The following KSR2 variants were observed in gnomAD, a reference collection of about 807,000 sequenced individuals.
KSR2 encodes kinase suppressor of ras 2.
In KSR2, 25 loss-of-function variants were observed where a neutral mutation model predicts 107.8. The ratio of observed to expected loss-of-function variants is 0.23; its 90% CI spans 0.17 to 0.32. The LOEUF is 0.32. KSR2 is among the 10% of genes least tolerant of loss of function. The probability of loss-of-function intolerance (pLI) is 1.00; values close to 1 mark genes in which losing one functional copy is unlikely to be tolerated. For synonymous variants in KSR2, 480 were observed against 507.0 expected (o/e 0.95, Z 0.71); for missense variants, 887 against 1,268.9 (o/e 0.70, Z 4.57).
chr12:117,523,595 C>A (rs954992791), intron 14 of KSR2, among the ~76,000 whole-genome samples: 1 of 152,212 alleles, frequency 6.6e-6, no homozygotes, highest in African/African-American at 2.4e-5. Flanking sequence ...ACTATCCCTT[C>A]TTTGTACCCA....
intron 4 of KSR2, among the ~76,000 whole-genome samples, chr12:117,718,947 CT>C (rs1887104769): frequency 6.6e-6 from 1 of 152,180 alleles, no homozygotes; most frequent in African/African-American, 2.4e-5. Context: ...GACTTCCAGT[CT>C]CCTAAACAGC....
Position 117,506,681 on chromosome 12 carries a change from T to C in KSR2, c.2219+18171A>G, listed in dbSNP as rs144890781. On this transcript the variant is annotated intron_variant, in intron 14 of 19. Coordinates refer to ENST00000339824, the MANE Select transcript of KSR2 (RefSeq NM_173598.6). ...CAAAGTCTATAGGATTCCAGAGTGCTATGCAGTTCTGACTCTGAGATGGGA... is the reference window on the plus strand; with the variant it reads ...CAAAGTCTATAGGATTCCAGAGTGCCATGCAGTTCTGACTCTGAGATGGGA... Among the ~76,000 whole-genome samples the C allele has an allele frequency of 9.2e-5, 14 of 152,298 alleles. No homozygotes were observed. The East Asian group carries it at 2.5e-3, about 27-fold the overall frequency.
At chr12:117,833,404 C>T (rs1313767571) in intron 3 of KSR2, among the ~76,000 whole-genome samples, 3 of 152,044 alleles carry the variant, frequency 2.0e-5, no homozygotes, top group Admixed American at 1.3e-4. Flanking sequence ...GCTCCGCCAC[C>T]CAGGCAGGAG....
chr12:117,956,032 T>C (rs1023425203), intron 1 of KSR2, among the ~76,000 whole-genome samples: 5 of 150,458 alleles, frequency 3.3e-5, no homozygotes, highest in East Asian at 2.0e-4. Flanking sequence ...GGGCGGATCA[T>C]GAGGTCAGGA....
chr12:117,816,547 C>G (rs1891375898), intron 3 of KSR2, among the ~76,000 whole-genome samples: 1 of 152,176 alleles, frequency 6.6e-6, no homozygotes, highest in Non-Finnish European at 1.5e-5. Flanking sequence ...TCTTAGTCAT[C>G]ATAGAACCCT....
chr12:117,946,204 C>T (rs1392564528), intron 1 of KSR2, among the ~76,000 whole-genome samples: 2 of 151,892 alleles, frequency 1.3e-5, no homozygotes, highest in South Asian at 2.1e-4. Flanking sequence ...CAAAATAAAC[C>T]TATAGTAAGC....
intron 1 of KSR2, among the ~76,000 whole-genome samples, chr12:117,878,853 G>A (rs540741347): frequency 6.6e-6 from 1 of 152,266 alleles, no homozygotes; most frequent in African/African-American, 2.4e-5. Context: ...CCAACAGAGA[G>A]GCAACTTACC....
At chr12:117,510,219 T>A (rs544738095) in intron 14 of KSR2, among the ~76,000 whole-genome samples, 3 of 152,324 alleles carry the variant, frequency 2.0e-5, no homozygotes, top group African/African-American at 4.8e-5. Flanking sequence ...GTGGAAAAAG[T>A]CAAAGTGCTT....
At chr12:117,499,546 T>G (rs1873252729) in intron 14 of KSR2, among the ~76,000 whole-genome samples, 1 of 152,184 alleles carries the variant, frequency 6.6e-6, no homozygotes, top group African/African-American at 2.4e-5. Flanking sequence ...AAATTCATAC[T>G]CCAAGTAGCT....
Position 117,842,337 on chromosome 12 carries a change from G to A in KSR2, c.472+13091C>T, listed in dbSNP as rs927456050. 6.6e-6 allele frequency among the ~76,000 whole-genome samples: 1 copy of A among 152,238 alleles called. No individual in the cohort carries two copies. Among genetic ancestry groups the A allele is most frequent in the Non-Finnish European group, 1.5e-5 (1 of 68,054 alleles). On this transcript the variant is annotated intron_variant, in intron 3 of 19. Transcript: ENST00000339824. The surrounding 1 kb of genome is among the most constrained non-coding windows in gnomAD (Gnocchi z 4.2). ...CAAAATGACAAGGAATCAGCCAGAG[G>A]AAGATTGAGGCAGGGTATTCCAGGC...
intron 4 of KSR2, among the ~76,000 whole-genome samples, chr12:117,695,748 A>G (rs1410039145): frequency 1.3e-5 from 2 of 151,960 alleles, no homozygotes; most frequent in Non-Finnish European, 2.9e-5. Flanking sequence ...AAAGGAAAAA[A>G]GAGAAAGAGA....
At chr12:117,631,510 G>C (rs1391128696) in intron 5 of KSR2, among the ~76,000 whole-genome samples, 2 of 152,070 alleles carry the variant, frequency 1.3e-5, no homozygotes, top group Admixed American at 6.6e-5. Context: ...CATAAATCTA[G>C]GTCTTTTATT....
At chr12:117,950,865 G>GT (rs927656032) in intron 1 of KSR2, among the ~76,000 whole-genome samples, 3 of 151,670 alleles carry the variant, frequency 2.0e-5, no homozygotes, top group African/African-American at 7.3e-5. Context: ...TTAGGTAAGT[G>GT]TGAGAGTATT....
chr12:117,940,902 A>G (rs1450100711), intron 1 of KSR2, among the ~76,000 whole-genome samples: 1 of 152,026 alleles, frequency 6.6e-6, no homozygotes. Context: ...CCTGGCCAAC[A>G]TGGCAAAATC....
chr12:117,670,099 TA>T (rs1424078263), intron 4 of KSR2, among the ~76,000 whole-genome samples: 3 of 152,120 alleles, frequency 2.0e-5, no homozygotes, highest in Non-Finnish European at 4.4e-5. Flanking sequence ...AAGGAGACAC[TA>T]AAAACAAGGA....
In KSR2 at chr12:117,947,020, T is replaced by G. The variant is rs1896199755; in HGVS notation, c.180+21056A>C. Among the ~76,000 whole-genome samples the G allele has an allele frequency of 2.7e-5, 4 of 148,902 alleles. No individual in the cohort carries two copies. The South Asian group carries it at 8.7e-4, about 32-fold the overall frequency. On this transcript the variant is annotated intron_variant, in intron 1 of 19. Transcript: ENST00000339824. ...TCTCTACTAAAAATACAAAAAAAAA[T>G]TAGCTGGGTGTGGTGGTGCATGCCT...
At chr12:117,765,566 T>C (rs1025713463) in intron 3 of KSR2, among the ~76,000 whole-genome samples, 1 of 152,162 alleles carries the variant, frequency 6.6e-6, no homozygotes, top group African/African-American at 2.4e-5. Context: ...CAGGCACTGT[T>C]GTGGACACCA....
intron 17 of KSR2, among the ~76,000 whole-genome samples, chr12:117,473,616 C>T (rs954370794): frequency 6.6e-6 from 1 of 152,226 alleles, no homozygotes; most frequent in Non-Finnish European, 1.5e-5. Context: ...TCATCCACCA[C>T]TCATGTGAAA....
chr12:117,502,544 T>C (rs1873445699), intron 14 of KSR2, among the ~76,000 whole-genome samples: 1 of 152,174 alleles, frequency 6.6e-6, no homozygotes, highest in Non-Finnish European at 1.5e-5. Flanking sequence ...TCGAATCGAT[T>C]CCGTTTTTTT....
Sources: allele counts gnomAD v4.1 joint callset (sites outside exome capture counted in the v4.1 genomes callset), GRCh38; gene constraint gnomAD v4.1.1; non-coding constraint Gnocchi (gnomAD v3.1); transcripts MANE v1.5; gene names NCBI Gene and HGNC (gene_info 2026-07-23, HGNC 2026-07-21).